The following MEI1 variants were observed in gnomAD, a reference collection of about 807,000 sequenced individuals.
MEI1 encodes the protein meiosis inhibitor protein 1.
A neutral mutation model predicts 146.2 loss-of-function variants in MEI1; 103 were observed. The observed-to-expected ratio is 0.70, with a 90% CI of 0.60 to 0.83. The LOEUF is 0.83. MEI1 is among the 40% of genes least tolerant of loss of function. MEI1 has a pLI of 0.00. For missense variants in MEI1, 1,529 were observed against 1,533.0 expected (o/e 1.00, Z 0.04); for synonymous variants, 652 against 628.2 (o/e 1.04, Z -0.57).
intron 7 of MEI1, among the ~76,000 whole-genome samples, chr22:41,728,432 C>T (rs750452247): frequency 6.6e-6 from 1 of 152,204 alleles, no homozygotes; most frequent in Non-Finnish European, 1.5e-5. Context: ...AGAATTGTTG[C>T]AAACATCAAA....
At chr22:41,730,741 G>C (rs2071783693) in intron 9 of MEI1, 104 bp downstream of exon 9, 4 of 721,566 alleles carry the variant, frequency 5.5e-6, no homozygotes, top group Non-Finnish European at 1.0e-5. Context: ...TTGGAGGGGA[G>C]CACTGAGTCT....
At chr22:41,716,801 T>G (rs1317521146) in intron 5 of MEI1, among the ~76,000 whole-genome samples, 9 of 151,544 alleles carry the variant, frequency 5.9e-5, no homozygotes, top group African/African-American at 1.7e-4. Context: ...GCCATTCTAC[T>G]GCCTCAGCCT....
At chr22:41,785,939 C>G (rs1233914920) in intron 26 of MEI1, among the ~76,000 whole-genome samples, 2 of 118,942 alleles carry the variant, frequency 1.7e-5, no homozygotes, top group African/African-American at 6.5e-5. Flanking sequence ...GAGACGGAGT[C>G]TCGCTCTGTC....
At chr22:41,779,520 G>A (rs1284986477) in intron 22 of MEI1, among the ~76,000 whole-genome samples, 1 of 152,156 alleles carries the variant, frequency 6.6e-6, no homozygotes, top group Non-Finnish European at 1.5e-5. Context: ...TTGAATCTCA[G>A]CTTAGTCACT....
At chr22:41,761,609 C>T (rs963685159) in intron 18 of MEI1, among the ~76,000 whole-genome samples, 2 of 151,816 alleles carry the variant, frequency 1.3e-5, no homozygotes, top group Admixed American at 6.6e-5. Context: ...CCACTGCGCC[C>T]GGCCGACTCA....
At chr22:41,764,459 C>G (rs2074715496) in intron 19 of MEI1, among the ~76,000 whole-genome samples, 1 of 152,182 alleles carries the variant, frequency 6.6e-6, no homozygotes, top group Non-Finnish European at 1.5e-5. Flanking sequence ...TCCACTATGC[C>G]TTTCTGTTTC....
At chr22:41,792,165 TA>T (rs1388575686) in intron 26 of MEI1, among the ~76,000 whole-genome samples, 2 of 152,340 alleles carry the variant, frequency 1.3e-5, no homozygotes, top group Non-Finnish European at 1.5e-5. Context: ...ACTATACTTT[TA>T]AAAACTGGTG....
chr22:41,773,276 A>C (rs762925348), intron 20 of MEI1, among the ~76,000 whole-genome samples: 46 of 152,196 alleles, frequency 3.0e-4, no homozygotes, highest in Admixed American at 2.6e-4. Flanking sequence ...GAGTTGTTGC[A>C]TAGAGGACTA....
intron 15 of MEI1, 104 bp from the exon 16 acceptor site, chr22:41,752,487 T>G (rs991808739): frequency 1.9e-6 from 2 of 1,036,246 alleles, no homozygotes; most frequent in African/African-American, 3.2e-5. Flanking sequence ...GAACCAAGTC[T>G]GTGTAACTCT....
At chr22:41,716,355 C>CTTTTTTTTTTTTTT (rs6147630) in intron 5 of MEI1, among the ~76,000 whole-genome samples, 1 of 118,582 alleles carries the variant, frequency 8.4e-6, no homozygotes, top group Non-Finnish European at 1.7e-5. Context: ...TCCATTCATT[C>CTTTTTTTTTTTTTT]TTTTTTTTTT....
At chr22:41,768,256 CCTGTAGT>C (rs2074975377) in intron 19 of MEI1, among the ~76,000 whole-genome samples, 1 of 152,044 alleles carries the variant, frequency 6.6e-6, no homozygotes, top group Non-Finnish European at 1.5e-5. Flanking sequence ...GCGGCATGCG[CCTGTAGT>C]CCCAGCTACT....
chr22:41,705,528 G>C lies in MEI1; in HGVS notation c.323G>C (p.Gly108Ala). ...GGACTATTATGCAGCATGGAAGATG[G>C]GAGTGTGACAGACCTCTGTATTGAA... Reference protein sequence around the residue: ...LFGLLCSMEDGSVTDLCIEVL... With the variant: ...LFGLLCSMEDASVTDLCIEVL... Residue 108 changes from glycine to alanine, a missense_variant, in exon 3 of 31, where the codon GGG becomes GCG. This residue lies in a region of MEI1 where 1,212 missense variants were observed against 1,178.9 expected (regional missense o/e 1.03). Coordinates refer to ENST00000401548, the MANE Select transcript of MEI1 (RefSeq NM_152513.4). 6.2e-7 allele frequency: 1 copy of C among 1,613,568 alleles called. No individual in the cohort carries two copies. The highest frequency in any genetic ancestry group is 8.5e-7 in the Non-Finnish European group (1 of 1,179,690).
Position 41,718,142 on chromosome 22 carries a change from C to T in MEI1, c.601C>T (p.Leu201Phe), listed in dbSNP as rs1429255104. ...GGGCATACAAGCTTCTGTCTGTTAC[C>T]TTTATGGGAAGCTATACTCCTCACC... ...SEGIQASVCY[L>F]YGKLYSSPVA... Residue 201 changes from leucine (L) to phenylalanine (F), a missense_variant, in exon 6 of 31, where the codon CTT becomes TTT. Transcript: ENST00000401548. 6.2e-7 allele frequency: 1 copy of T among 1,613,820 alleles called. No individual in the cohort carries two copies. Among genetic ancestry groups the T allele is most frequent in the East Asian group, 2.2e-5 (1 of 44,892 alleles).
chr22:41,749,975 T>C (rs1378418640), intron 15 of MEI1, among the ~76,000 whole-genome samples: 2 of 152,094 alleles, frequency 1.3e-5, no homozygotes, highest in Admixed American at 1.3e-4. Flanking sequence ...AGGTGGGTAA[T>C]TGACTGTGTC....
intron 11 of MEI1, among the ~76,000 whole-genome samples, chr22:41,738,836 C>T (rs1005617656): frequency 6.6e-6 from 1 of 151,428 alleles, no homozygotes; most frequent in Admixed American, 6.6e-5. Flanking sequence ...GGTGTGGTGG[C>T]ATGCACCTAT....
At chr22:41,705,855 C>G (rs944966125) in intron 3 of MEI1, among the ~76,000 whole-genome samples, 1 of 150,518 alleles carries the variant, frequency 6.6e-6, no homozygotes, top group Admixed American at 6.6e-5. Flanking sequence ...TTACAGGCAT[C>G]TGCCACCACA....
intron 4 of MEI1, among the ~76,000 whole-genome samples, chr22:41,715,666 A>G (rs1278682913): frequency 6.6e-6 from 1 of 151,698 alleles, no homozygotes; most frequent in South Asian, 2.1e-4. Context: ...AAATGCTGGG[A>G]TTACAGCGTG....
chr22:41,734,663 A>G (rs1434673588), intron 11 of MEI1, among the ~76,000 whole-genome samples: 1 of 152,120 alleles, frequency 6.6e-6, no homozygotes, highest in African/African-American at 2.4e-5. Flanking sequence ...TTTGAGATGA[A>G]GTTTCGCTCT....
chr22:41,779,041 A>G (rs2075617184), intron 22 of MEI1, among the ~76,000 whole-genome samples: 1 of 152,004 alleles, frequency 6.6e-6, no homozygotes, highest in Non-Finnish European at 1.5e-5. Flanking sequence ...AATCAGCATT[A>G]TGAGGCCAGG....
Sources: allele counts gnomAD v4.1 joint callset (sites outside exome capture counted in the v4.1 genomes callset), GRCh38; gene constraint gnomAD v4.1.1; regional missense constraint gnomAD v4.1.1; transcripts MANE v1.5; gene names NCBI Gene and HGNC (gene_info 2026-07-23, HGNC 2026-07-21).